DGKB: variants seen among roughly 807,000 people sequenced by gnomAD.
DGKB encodes the protein diacylglycerol kinase beta.
DGKB carries 67 observed loss-of-function variants against 114.3 expected under a neutral mutation model. The ratio of observed to expected loss-of-function variants is 0.59; its 90% CI spans 0.48 to 0.72. DGKB has a LOEUF of 0.72. Ranked by LOEUF, DGKB falls within the 30% of genes least tolerant of loss-of-function variation. The pLI is 0.00. For synonymous variants in DGKB, 398 were observed against 323.1 expected, an observed-to-expected ratio of 1.23 and a Z score of -2.49; for missense variants, 907 against 975.2, an observed-to-expected ratio of 0.93 and a Z score of 0.93.
intron 21 of DGKB, among the ~76,000 whole-genome samples, chr7:14,418,275 TTA>T (rs1239118770): frequency 4.2e-5 from 6 of 142,942 alleles, no homozygotes; most frequent in Non-Finnish European, 7.6e-5. Flanking sequence ...TATATATATT[TTA>T]TATATGTGTG....
intron 22 of DGKB, among the ~76,000 whole-genome samples, chr7:14,341,114 G>C (rs1474203599): frequency 6.6e-6 from 1 of 151,718 alleles, no homozygotes; most frequent in Non-Finnish European, 1.5e-5. Context: ...GGGAAACAGA[G>C]TAAGTAGCTC....
At chr7:14,772,805 T>C (rs1837611909) in intron 2 of DGKB, among the ~76,000 whole-genome samples, 1 of 152,134 alleles carries the variant, frequency 6.6e-6, no homozygotes. Flanking sequence ...AAATCATCCA[T>C]TGTTTTCTTG....
At chr7:14,276,135 C>G (rs919919812) in intron 23 of DGKB, among the ~76,000 whole-genome samples, 1 of 152,148 alleles carries the variant, frequency 6.6e-6, no homozygotes, top group Non-Finnish European at 1.5e-5. Flanking sequence ...CAACTTAGCA[C>G]AGTTCCATGT....
chr7:14,728,263 C>G (rs1255829197), intron 5 of DGKB, among the ~76,000 whole-genome samples: 1 of 152,194 alleles, frequency 6.6e-6, no homozygotes, highest in Non-Finnish European at 1.5e-5. Flanking sequence ...CCGTCAGCCT[C>G]ATTCTCCTTC....
chr7:14,486,819 T>A (rs1384132272), intron 20 of DGKB, among the ~76,000 whole-genome samples: 1 of 152,198 alleles, frequency 6.6e-6, no homozygotes, highest in South Asian at 2.1e-4. Flanking sequence ...TATGGTAAAG[T>A]ATTGACAATT....
chr7:14,647,134 C>A (rs879363828), intron 13 of DGKB, among the ~76,000 whole-genome samples: 9 of 151,998 alleles, frequency 5.9e-5, no homozygotes, highest in Admixed American at 1.3e-4. Flanking sequence ...GACATTACAA[C>A]TGATACCACA....
chr7:14,230,373 T>C (rs146699452), intron 23 of DGKB, among the ~76,000 whole-genome samples: 2 of 152,040 alleles, frequency 1.3e-5, no homozygotes, highest in African/African-American at 4.8e-5. Flanking sequence ...ATTTTTGGGG[T>C]AAATGCCATT....
intron 23 of DGKB, among the ~76,000 whole-genome samples, chr7:14,301,735 TAAG>T (rs1803583498): frequency 6.6e-6 from 1 of 152,008 alleles, no homozygotes; most frequent in Non-Finnish European, 1.5e-5. Context: ...AGAAGACTAA[TAAG>T]AGAGTAAAAA....
Position 14,694,142 on chromosome 7 carries a change from G to C in DGKB, c.644C>G (p.Ser215Cys). ...EIDYDHDGTV[S>C]LEEWIQGGMT... The stretch of plus-strand genomic sequence containing the variant: ...TCCTCCTTGAATCCATTCCTCCAGA[G>C]ACACGGTTCCATCATGATCATAGTC... The change falls in exon 9 of 26, where the codon TCT becomes TGT. Residue 215 changes from serine (S) to cysteine (C), a missense_variant. Transcript: ENST00000402815. 1.3e-6 allele frequency: 2 copies of C among 1,590,136 alleles called. No homozygotes were observed. Among genetic ancestry groups the C allele is most frequent in the Non-Finnish European group, 1.7e-6 (2 of 1,166,638 alleles).
At chr7:14,435,542 A>G (rs1829108369) in intron 21 of DGKB, among the ~76,000 whole-genome samples, 1 of 152,142 alleles carries the variant, frequency 6.6e-6, no homozygotes, top group Non-Finnish European at 1.5e-5. Flanking sequence ...GCAAGATAAC[A>G]GATAATAAAC....
chr7:14,836,703 G>A (rs755015833), intron 2 of DGKB, among the ~76,000 whole-genome samples: 1 of 152,218 alleles, frequency 6.6e-6, no homozygotes, highest in Non-Finnish European at 1.5e-5. Flanking sequence ...CAAGGGAAAT[G>A]CTTCCCATGG....
intron 22 of DGKB, among the ~76,000 whole-genome samples, chr7:14,341,971 C>T (rs1991733): frequency 0.4 from 60,276 of 151,610 alleles, 12,133 homozygotes; most frequent in Middle Eastern, 0.44. Flanking sequence ...TCTATTTTTA[C>T]TCAATGAAAC....
chr7:14,967,782 T>C (rs1787246588), intron 1 of DGKB, among the ~76,000 whole-genome samples: 1 of 152,120 alleles, frequency 6.6e-6, no homozygotes, highest in Non-Finnish European at 1.5e-5. Context: ...ATATTTTTAC[T>C]GAATTGTTTA....
At chr7:14,780,814 G>C (rs113597005) in intron 2 of DGKB, among the ~76,000 whole-genome samples, 63 of 152,116 alleles carry the variant, frequency 4.1e-4, no homozygotes, top group African/African-American at 1.5e-3. Flanking sequence ...TCTTTATGCT[G>C]GCATCATAAC....
chr7:14,411,018 G>T (rs961403102), intron 21 of DGKB, among the ~76,000 whole-genome samples: 4 of 152,120 alleles, frequency 2.6e-5, no homozygotes, highest in Non-Finnish European at 5.9e-5. Flanking sequence ...CTTCTCCCGG[G>T]TTAGTGATAT....
chr7:14,182,167 C>A (rs1782722723), intron 23 of DGKB, among the ~76,000 whole-genome samples: 1 of 152,014 alleles, frequency 6.6e-6, no homozygotes. Context: ...TTTTAATTAT[C>A]CACAATACCA....
At chr7:14,541,666 T>C (rs1793476951) in intron 20 of DGKB, among the ~76,000 whole-genome samples, 1 of 152,224 alleles carries the variant, frequency 6.6e-6, no homozygotes, top group Non-Finnish European at 1.5e-5. Flanking sequence ...TAATTCACTA[T>C]GTCCTAGGCT....
chr7:14,722,326 T>G (rs2128361454), intron 5 of DGKB, among the ~76,000 whole-genome samples: 1 of 152,262 alleles, frequency 6.6e-6, no homozygotes, highest in African/African-American at 2.4e-5. Context: ...TCCCATAGTG[T>G]CATAGAGCTG....
intron 4 of DGKB, among the ~76,000 whole-genome samples, chr7:14,745,837 A>C (rs1833204474): frequency 6.6e-6 from 1 of 152,198 alleles, no homozygotes; most frequent in South Asian, 2.1e-4. Context: ...TGAGACAAGA[A>C]CCTGGATTTA....
Sources: gnomAD v4.1 joint callset for allele counts (sites outside exome capture counted in the v4.1 genomes callset) on GRCh38, gnomAD v4.1.1 for gene constraint, MANE v1.5 for transcripts, NCBI Gene and HGNC (gene_info 2026-07-23, HGNC 2026-07-21) for gene names.